Variants in CCT7 observed in about 807,000 individuals in gnomAD.
CCT7 encodes the protein chaperonin containing TCP1 subunit 7, also known as T-complex protein 1 subunit eta.
Under a neutral mutation model 56.6 loss-of-function variants are expected in CCT7, and 16 were observed. The observed-to-expected ratio is 0.28, with a 90% CI of 0.19 to 0.43. The LOEUF is 0.43. Ranked by LOEUF, CCT7 falls within the 20% of genes least tolerant of loss-of-function variation. The pLI, the probability that CCT7 is intolerant of heterozygous loss-of-function variation, is 1.00. For missense variants in CCT7, 519 were observed against 685.6 expected, an observed-to-expected ratio of 0.76 and a Z score of 2.71; for synonymous variants, 262 against 254.8, an observed-to-expected ratio of 1.03 and a Z score of -0.27.
chr2:73,251,715 G>A (rs879385905), intron 11 of CCT7, among the ~76,000 whole-genome samples: 6 of 152,142 alleles, frequency 3.9e-5, no homozygotes, highest in Non-Finnish European at 5.9e-5. Flanking sequence ...CGAGGTGGGC[G>A]GATCATGAGG....
chr2:73,234,721 G>T (rs1686790111), intron 1 of CCT7, among the ~76,000 whole-genome samples: 2 of 152,194 alleles, frequency 1.3e-5, no homozygotes, highest in South Asian at 4.1e-4. Flanking sequence ...AGTGCAGGTC[G>T]GCCGTGGTTA....
chr2:73,240,604 TCTC>T, intron 3 of CCT7, 61 bp downstream of exon 3: 1 of 958,412 alleles, frequency 1.0e-6, no homozygotes, highest in African/African-American at 1.7e-5. Context: ...GCTCCTTAGT[TCTC>T]CTCTATTAAA....
intron 1 of CCT7, among the ~76,000 whole-genome samples, chr2:73,238,712 C>G (rs771973739): frequency 6.6e-6 from 1 of 152,230 alleles, no homozygotes; most frequent in African/African-American, 2.4e-5. Context: ...CTTGAGAAGA[C>G]TGGATCTAGT....
intron 3 of CCT7, among the ~76,000 whole-genome samples, chr2:73,241,379 A>C (rs961046282): frequency 6.7e-6 from 1 of 148,758 alleles, no homozygotes; most frequent in African/African-American, 2.5e-5. Flanking sequence ...TGCCCACTTA[A>C]ACCTTCTCTA....
chr2:73,245,537 C>T (rs1459545493), intron 6 of CCT7, among the ~76,000 whole-genome samples: 2 of 152,194 alleles, frequency 1.3e-5, no homozygotes, highest in East Asian at 3.8e-4. Context: ...TAGCTAGTGG[C>T]TACTGTCTTG....
intron 5 of CCT7, chr2:73,244,289 T>A: frequency 3.3e-6 from 2 of 609,516 alleles, no homozygotes; most frequent in South Asian, 4.2e-5. Flanking sequence ...GTTTGGCTCC[T>A]GCCAGACCCT....
intron 9 of CCT7, 116 bp from the exon 10 acceptor site, chr2:73,250,188 ACC>A: frequency 2.4e-6 from 3 of 1,246,044 alleles, no homozygotes; most frequent in Non-Finnish European, 3.4e-6. Context: ...GGATTGGGTA[ACC>A]TGAGTGAAGA....
At position 73,251,382 on chromosome 2, in the gene CCT7, G is replaced by A; in HGVS notation, c.1360G>A (p.Gly454Ser). The A allele has an allele frequency of 6.2e-7, 1 of 1,614,146 alleles. No homozygotes were observed. The highest frequency in any genetic ancestry group is 8.5e-7 in the Non-Finnish European group (1 of 1,179,998). Residue 454 changes from glycine (G) to serine (S), a missense_variant, in exon 11 of 12, where the codon GGC becomes AGC. By Grantham distance (56) the Gly-to-Ser change is moderately conservative (BLOSUM62 0). This residue lies in a region of CCT7 where 237 missense variants were observed against 300.8 expected (regional missense o/e 0.79). Transcript: ENST00000258091. ...IIPRQLCDNA[G>S]FDATNILNKL... ...CCCACGCCAGCTGTGTGACAATGCT[G>A]GCTTTGATGCCACAAACATTCTCAA... is the stretch of plus-strand genomic sequence containing the variant.
intron 3 of CCT7, among the ~76,000 whole-genome samples, chr2:73,242,568 C>T (rs897469147): frequency 2.0e-4 from 31 of 152,236 alleles, no homozygotes; most frequent in African/African-American, 7.5e-4. Flanking sequence ...GTGTGAGCCA[C>T]CGTGCCCAGC....
Position 73,248,931 on chromosome 2 carries a change from C to G in CCT7, c.784-60C>G, listed in dbSNP as rs547186594. 81 of 1,392,802 alleles carry G rather than the reference C, an allele frequency of 5.8e-5. 2 individuals carry two copies. The South Asian group carries it at 1.0e-3, about 18-fold the overall frequency. 86.3% of individuals were successfully genotyped at this position (1,392,802 alleles called of 1,614,324 possible). On this transcript the variant is annotated intron_variant, in intron 7 of 11. Coordinates refer to ENST00000258091, the MANE Select transcript of CCT7 (RefSeq NM_006429.4). The stretch of plus-strand genomic sequence containing the variant: ...GTGGGGGCAGATGGGTATATTTTAC[C>G]CTACCGTATATGTCAACCTTCACCC...
Position 73,243,998 on chromosome 2 carries a change from C to G in CCT7, c.395C>G (p.Ala132Gly). 1 of 1,613,106 alleles carries G rather than the reference C, an allele frequency of 6.2e-7. No homozygotes were observed. Among genetic ancestry groups the G allele is most frequent in the African/African-American group, 1.3e-5 (1 of 74,756 alleles). The change falls in exon 5 of 12, where the codon GCA becomes GGA. Residue 132 changes from alanine (A) to glycine (G), a missense_variant and splice_region_variant. Physicochemically the swap from Ala to Gly is moderately conservative, Grantham distance 60. Around this residue, in one of 3 missense-constraint regions of CCT7, gnomAD observed 276 missense variants for 357.3 expected, o/e 0.77. Coordinates refer to ENST00000258091, the MANE Select transcript of CCT7 (RefSeq NM_006429.4). ...TCATTCAACTTCTGTTCTTGGCAGG[C>G]AGTTAACAAGATCAAAGAGATTGCT... Reference protein sequence around the residue: ...IRAFRTATQLAVNKIKEIAVT... With the variant: ...IRAFRTATQLGVNKIKEIAVT...
intron 10 of CCT7, among the ~76,000 whole-genome samples, 175 bp downstream of exon 10, chr2:73,250,613 A>G (rs1221061706): frequency 6.6e-6 from 1 of 152,054 alleles, no homozygotes; most frequent in African/African-American, 2.4e-5. Context: ...CAGTTTCTCA[A>G]AAATAGGTCA....
At chr2:73,252,617 C>A in intron 11 of CCT7, 23 bp from the exon 12 acceptor site, 1 of 1,575,120 alleles carries the variant, frequency 6.3e-7, no homozygotes, top group Non-Finnish European at 8.7e-7. Context: ...CATATTACCT[C>A]CTTTCTTTTC....
At chr2:73,234,676 T>C (rs779214363) in intron 1 of CCT7, among the ~76,000 whole-genome samples, 3 of 152,190 alleles carry the variant, frequency 2.0e-5, no homozygotes, top group Non-Finnish European at 4.4e-5. Flanking sequence ...GGGACCTCTT[T>C]TTTAGCCCCG....
chr2:73,248,626 A>G (rs1687446856), intron 7 of CCT7, among the ~76,000 whole-genome samples: 1 of 152,102 alleles, frequency 6.6e-6, no homozygotes, highest in Non-Finnish European at 1.5e-5. Context: ...AAGTTCTGTG[A>G]TTACAGGCAT....
At chr2:73,251,186 A>G (rs758292695) in intron 10 of CCT7, 40 bp from the exon 11 acceptor site, 15 of 1,592,324 alleles carry the variant, frequency 9.4e-6, no homozygotes, top group Admixed American at 1.7e-5. Flanking sequence ...AGCTTGGACC[A>G]GGGGCCCTCT....
At chr2:73,250,196 G>A in intron 9 of CCT7, 110 bp from the exon 10 acceptor site, 1 of 1,365,140 alleles carries the variant, frequency 7.3e-7, no homozygotes. Context: ...TAACCTGAGT[G>A]AAGAATGTAA....
intron 7 of CCT7, among the ~76,000 whole-genome samples, chr2:73,248,324 C>T (rs1468175804): frequency 6.6e-6 from 1 of 151,226 alleles, no homozygotes; most frequent in Non-Finnish European, 1.5e-5. Context: ...ATGTCACCCA[C>T]CTTTGAGCAG....
chr2:73,238,527 C>T (rs963882854), intron 1 of CCT7, among the ~76,000 whole-genome samples: 3 of 152,264 alleles, frequency 2.0e-5, no homozygotes, highest in Non-Finnish European at 2.9e-5. Flanking sequence ...CTTCCTTGCT[C>T]AGACATCCAC....
Sources: allele counts gnomAD v4.1 joint callset (sites outside exome capture counted in the v4.1 genomes callset), GRCh38; gene constraint gnomAD v4.1.1; regional missense constraint gnomAD v4.1.1; transcripts MANE v1.5; gene names NCBI Gene and HGNC (gene_info 2026-07-23, HGNC 2026-07-21).